Variants in TXLNG observed in about 807,000 individuals in gnomAD.
TXLNG encodes the protein taxilin gamma.
In TXLNG, 5 loss-of-function variants were observed where a neutral mutation model predicts 38.8. The ratio of observed to expected loss-of-function variants is 0.13; its 90% confidence interval spans 0.07 to 0.27. TXLNG has a LOEUF of 0.27. TXLNG is among the 10% of genes least tolerant of loss of function. TXLNG has a pLI of 1.00. For missense variants in TXLNG, 393 were observed against 398.2 expected, an observed-to-expected ratio of 0.99 and a Z score of 0.11; for synonymous variants, 182 against 158.2, an observed-to-expected ratio of 1.15 and a Z score of -1.13.
intron 1 of TXLNG, among the ~76,000 whole-genome samples, chrX:16,792,957 C>A (rs2147458578): frequency 9.2e-6 from 1 of 108,931 alleles, no homozygotes; most frequent in South Asian, 4.0e-4. Context: ...ATTAGCTGGG[C>A]ATGGTGATGC....
intron 9 of TXLNG, among the ~76,000 whole-genome samples, chrX:16,841,160 A>G (rs1929803600): frequency 9.2e-6 from 1 of 109,263 alleles, no homozygotes. Context: ...ACGCCATTGC[A>G]CTCCAGCCTG....
chrX:16,800,640 C>G (rs1296163164), intron 1 of TXLNG, among the ~76,000 whole-genome samples: 2 of 108,143 alleles, frequency 1.8e-5, no homozygotes, highest in African/African-American at 6.8e-5. Context: ...TCTCAGCTCC[C>G]TGCAACCTCT....
At chrX:16,824,197 TAC>T (rs538752327) in intron 3 of TXLNG, among the ~76,000 whole-genome samples, 1 of 111,292 alleles carries the variant, frequency 9.0e-6, no homozygotes, top group Non-Finnish European at 1.9e-5. Context: ...CAAGACCCTG[TAC>T]ACACACACAC....
chrX:16,802,991 T>A (rs1250606105), intron 1 of TXLNG, among the ~76,000 whole-genome samples: 1 of 109,446 alleles, frequency 9.1e-6, no homozygotes, highest in Admixed American at 9.9e-5. Flanking sequence ...GGCTGATTTT[T>A]GCATTTTTAG....
chrX:16,805,671 C>G (rs978531589), intron 1 of TXLNG, among the ~76,000 whole-genome samples: 2 of 111,983 alleles, frequency 1.8e-5, no homozygotes, highest in Non-Finnish European at 3.8e-5. Flanking sequence ...ATGTATGGGT[C>G]TGTGTGGTCT....
At position 16,787,959 on chromosome X, in the gene TXLNG, T is replaced by C. The variant is rs1324778424; in HGVS notation, c.102+1370T>C. 2.7e-5 allele frequency among the ~76,000 whole-genome samples: 3 copies of C among 112,429 alleles called. No homozygotes were observed. In the East Asian group the frequency reaches 8.3e-4, roughly 31 times the overall value. ...CTAAGGTCAGGTATTTTCATGTTTC[T>C]GCATGACAGTGTTACTACTTCTCAA... is the stretch of plus-strand genomic sequence containing the variant. On this transcript the variant is annotated intron_variant, in intron 1 of 9. Coordinates refer to ENST00000380122, the MANE Select transcript of TXLNG (RefSeq NM_018360.3).
At chrX:16,791,181 T>G (rs1242653996) in intron 1 of TXLNG, among the ~76,000 whole-genome samples, 3 of 111,880 alleles carry the variant, frequency 2.7e-5, no homozygotes, top group Non-Finnish European at 5.6e-5. Flanking sequence ...ATTTTGTAAA[T>G]CCATCTTCCA....
At chrX:16,796,303 G>A (rs1644392564) in intron 1 of TXLNG, among the ~76,000 whole-genome samples, 1 of 110,767 alleles carries the variant, frequency 9.0e-6, no homozygotes, top group Non-Finnish European at 1.9e-5. Context: ...GTGCCCGGCC[G>A]CACTTGTTTA....
intron 1 of TXLNG, among the ~76,000 whole-genome samples, chrX:16,807,792 G>T (rs2097348311): frequency 9.0e-6 from 1 of 111,538 alleles, no homozygotes; most frequent in African/African-American, 3.3e-5. Context: ...CTCTGCATAT[G>T]CCTGGCCCTG....
At chrX:16,815,817 G>A (rs1242806022) in intron 1 of TXLNG, among the ~76,000 whole-genome samples, 1 of 110,860 alleles carries the variant, frequency 9.0e-6, no homozygotes, top group Non-Finnish European at 1.9e-5. Flanking sequence ...GAGCCACTGC[G>A]CCTGTCCGAA....
intron 3 of TXLNG, among the ~76,000 whole-genome samples, chrX:16,822,581 G>C (rs1267943164): frequency 9.0e-6 from 1 of 111,628 alleles, no homozygotes; most frequent in Non-Finnish European, 1.9e-5. Flanking sequence ...AGTCCCCCTT[G>C]GTGCCTTTCA....
Position 16,829,567 on chromosome X carries a change from G to A in TXLNG, c.670-9G>A, listed in dbSNP as rs764866525. 8.3e-7 allele frequency: 1 copy of A among 1,204,722 alleles called. No individual in the cohort carries two copies. Among genetic ancestry groups the A allele is most frequent in the Non-Finnish European group, 1.1e-6 (1 of 892,410 alleles). On this transcript the variant is annotated splice_polypyrimidine_tract_variant and intron_variant, in intron 4 of 9. Transcript: ENST00000380122. ...TGTATTATTAACAAAAATTATTTTGGGTAATAAGGAGGAAAATATGCAGCA... is the reference window on the plus strand; with the variant it reads ...TGTATTATTAACAAAAATTATTTTGAGTAATAAGGAGGAAAATATGCAGCA...
chrX:16,793,897 C>T (rs1415916991), intron 1 of TXLNG, among the ~76,000 whole-genome samples: 2 of 111,423 alleles, frequency 1.8e-5, no homozygotes, highest in Non-Finnish European at 3.8e-5. Context: ...GATTCTCCTG[C>T]CTTGGCCTCC....
In TXLNG at chrX:16,786,518, GGAAGAGGCGGCGGCGCC is replaced by G. The variant is rs1287906775; in HGVS notation, c.41_57del (p.Gly14AspfsTer2). ...GACGCGGGTAGAGGAGGCAGCGCGG[GGAAGAGGCGGCGGCGCC>G]GAAGAGGCGACTGAGGCCGGACGGG... On this transcript the variant is annotated frameshift_variant, in exon 1 of 10. Transcript: ENST00000380122. LOFTEE classifies it high-confidence loss of function. The G allele has an allele frequency of 3.6e-6, 4 of 1,111,143 alleles. No homozygotes were observed. Among genetic ancestry groups the G allele is most frequent in the Non-Finnish European group, 4.7e-6 (4 of 849,350 alleles). The allele number at this position is 1,111,143 out of a possible 1,213,427, so 91.6% of individuals were successfully genotyped here.
chrX:16,838,450 G>A (rs1197986724), intron 8 of TXLNG, among the ~76,000 whole-genome samples: 1 of 112,022 alleles, frequency 8.9e-6, no homozygotes, highest in Non-Finnish European at 1.9e-5. Flanking sequence ...CTGGGTTAAT[G>A]TCCCAGTTGC....
chrX:16,826,847 G>A (rs983567443), intron 3 of TXLNG, among the ~76,000 whole-genome samples: 3 of 109,647 alleles, frequency 2.7e-5, no homozygotes, highest in Admixed American at 9.7e-5. Flanking sequence ...CAGGAGAATC[G>A]CTTTAACTCT....
At chrX:16,823,870 G>A (rs1929073396) in intron 3 of TXLNG, among the ~76,000 whole-genome samples, 1 of 111,162 alleles carries the variant, frequency 9.0e-6, no homozygotes, top group African/African-American at 3.3e-5. Context: ...CTTAATATAT[G>A]CTTGGGGTAG....
chrX:16,799,041 G>A (rs1305781326), intron 1 of TXLNG, among the ~76,000 whole-genome samples: 3 of 109,953 alleles, frequency 2.7e-5, no homozygotes, highest in East Asian at 2.9e-4. Flanking sequence ...CACCACGCCC[G>A]GCTAATTTTG....
intron 1 of TXLNG, among the ~76,000 whole-genome samples, chrX:16,793,819 TC>T (rs1481782428): frequency 9.1e-6 from 1 of 109,641 alleles, no homozygotes; most frequent in South Asian, 4.0e-4. Flanking sequence ...CTGTTTTTTT[TC>T]TTTTTTTTGA....
Sources: gnomAD v4.1 joint callset for allele counts (sites outside exome capture counted in the v4.1 genomes callset) on GRCh38, gnomAD v4.1.1 for gene constraint, MANE v1.5 for transcripts, NCBI Gene and HGNC (gene_info 2026-07-23, HGNC 2026-07-21) for gene names.